The following TMEM74B variants were observed in gnomAD, a reference collection of about 807,000 sequenced individuals.
TMEM74B encodes transmembrane protein C20orf46.
In TMEM74B, 7 loss-of-function variants were observed where a neutral mutation model predicts 6.5. The observed-to-expected ratio is 1.07, with a 90% confidence interval of 0.61 to 2.01. TMEM74B has a LOEUF of 2.01. Ranked by LOEUF, TMEM74B falls within the 30% of genes most tolerant of loss-of-function variation. The pLI, the probability that TMEM74B is intolerant of heterozygous loss-of-function variation, is 0.00. For synonymous variants in TMEM74B, 151 were observed against 151.6 expected (o/e 1.00, Z 0.03); for missense variants, 342 against 337.0 (o/e 1.01, Z -0.12).
chr20:1,183,342 G>A (rs2086929632), intron 2 of TMEM74B, among the ~76,000 whole-genome samples: 1 of 151,564 alleles, frequency 6.6e-6, no homozygotes, highest in Admixed American at 6.6e-5. Flanking sequence ...GTGTAAATAT[G>A]AGCAAATGAA....
chr20:1,184,167 T>A lies in TMEM74B; in HGVS notation c.-148+135A>T. ...CCCCTTTCCCAGACTGATATATTGA[T>A]GCCTCCACACCCTGGAAGAAATCTG... On this transcript the variant is annotated intron_variant, in intron 1 of 2. Coordinates refer to ENST00000429036, the MANE Select transcript of TMEM74B (RefSeq NM_001304748.2). The surrounding 1 kb of genome is among the most constrained non-coding windows in gnomAD (Gnocchi z 6.0). The A allele has an allele frequency of 4.8e-6, 1 of 207,962 alleles. No individual in the cohort carries two copies. Among genetic ancestry groups the A allele is most frequent in the Non-Finnish European group, 9.6e-6 (1 of 104,058 alleles). 12.9% of individuals were successfully genotyped at this position (207,962 alleles called of 1,614,324 possible).
chr20:1,181,064 C>A lies in TMEM74B; in HGVS notation c.555G>T (p.Thr185=). ...RCIIAGLGLL[T]VGGMLLSVLL... ...GCACCGACAAGAGCATGCCGCCCACCGTGAGCAGCCCGAGGCCTGCGATGA... is the reference window on the plus strand; with the variant it reads ...GCACCGACAAGAGCATGCCGCCCACAGTGAGCAGCCCGAGGCCTGCGATGA... The change falls in exon 3 of 3, where the codon ACG becomes ACT. Residue 185 remains threonine (T), a synonymous_variant. Transcript: ENST00000429036. This position sits in a 1 kb window ranked among gnomAD's most constrained non-coding sequence, Gnocchi z 4.9. The A allele has an allele frequency of 5.0e-6, 8 of 1,613,670 alleles. No individual in the cohort carries two copies. Among genetic ancestry groups the A allele is most frequent in the Non-Finnish European group, 6.8e-6 (8 of 1,179,900 alleles).
rs561380660 is a variant in TMEM74B, at chr20:1,181,135, G to A, written c.484C>T (p.Leu162=). ...CCTAGGCGGGCGTAGTACATCTCCA[G>A]TCGTTCCATCTCCCGCGCTGTCACT... ...DTVTAREMER[L]EMYYARLGSH... is the part of the protein sequence containing the mutation. Residue 162 remains leucine, a synonymous_variant, in exon 3 of 3, where the codon CTG becomes TTG. Coordinates refer to ENST00000429036, the MANE Select transcript of TMEM74B (RefSeq NM_001304748.2). The surrounding 1 kb of genome is among the most constrained non-coding windows in gnomAD (Gnocchi z 4.9). The A allele has an allele frequency of 6.2e-7, 1 of 1,614,018 alleles. No individual in the cohort carries two copies. The highest frequency in any genetic ancestry group is 1.7e-5 in the Admixed American group (1 of 60,006).
upstream of TMEM74B, chr20:1,186,188 CTGACGGTCG>C (rs2087018825): frequency 6.6e-6 from 1 of 152,352 alleles, no homozygotes; most frequent in African/African-American, 2.4e-5. Flanking sequence ...GCTCTTGTCT[CTGACGGTCG>C]TGATTTTGTT....
upstream of TMEM74B, among the ~76,000 whole-genome samples, chr20:1,188,429 A>G (rs575996185): frequency 1.4e-3 from 217 of 150,982 alleles, no homozygotes; most frequent in Admixed American, 3.1e-3. Flanking sequence ...CACACACACC[A>G]CACACCACAC....
At chr20:1,188,640 TACACACACCACACACACTAC>T (rs898940422), upstream of TMEM74B, among the ~76,000 whole-genome samples, 1 of 140,162 alleles carries the variant, frequency 7.1e-6, no homozygotes, top group African/African-American at 2.7e-5. Flanking sequence ...ATACACTACC[TACACACACCACACACACTAC>T]ACACACACCA....
At position 1,181,344 on chromosome 20, in the gene TMEM74B, G is replaced by C; in HGVS notation, c.275C>G (p.Ser92Cys). Residue 92 changes from serine to cysteine, a missense_variant, in exon 3 of 3, where the codon TCC (serine) becomes TGC (cysteine). Transcript: ENST00000429036. The surrounding 1 kb of genome is among the most constrained non-coding windows in gnomAD (Gnocchi z 4.9). The part of the protein sequence containing the change: ...GSSPSPPGGV[S>C]SLPRSQRDDL... ...ATCCCGCTGGGATCGGGGCAGTGAGGAGACACCCCCAGGGGGACTGGGTGA... is the reference window on the plus strand; with the variant it reads ...ATCCCGCTGGGATCGGGGCAGTGAGCAGACACCCCCAGGGGGACTGGGTGA... 1.3e-6 allele frequency: 2 copies of C among 1,582,122 alleles called. No homozygotes were observed. Among genetic ancestry groups the C allele is most frequent in the Non-Finnish European group, 1.7e-6 (2 of 1,162,136 alleles).
rs1600188890 is a variant in TMEM74B at position 1,181,661 on chromosome 20, A to G, written c.32-74T>C. 2.9e-6 allele frequency: 4 copies of G among 1,390,644 alleles called. No homozygotes were observed. The South Asian group carries it at 6.1e-5, about 21-fold the overall frequency. The allele number at this position is 1,390,644 out of a possible 1,614,324, so 86.1% of individuals were successfully genotyped here. A position where few individuals can be genotyped will look rare whatever the true frequency, so the allele number is the denominator to read the frequency against. On this transcript the variant is annotated intron_variant, in intron 2 of 2. Coordinates refer to ENST00000429036, the MANE Select transcript of TMEM74B (RefSeq NM_001304748.2). This position sits in a 1 kb window ranked among gnomAD's most constrained non-coding sequence, Gnocchi z 4.9. ...TGTGGAGGACATCATACCAGTCCCT[A>G]AGCACATGAAGGTGAGTCAGGCACA...
intron 2 of TMEM74B, among the ~76,000 whole-genome samples, chr20:1,183,153 GC>G (rs1376142988): frequency 1.8e-4 from 28 of 152,234 alleles, no homozygotes; most frequent in Admixed American, 1.3e-3. Flanking sequence ...AGGCGCACAA[GC>G]CATGGGCTAC....
At position 1,183,867 on chromosome 20, in the gene TMEM74B, T is replaced by G; in HGVS notation, c.-66A>C. The stretch of plus-strand genomic sequence containing the variant: ...AGACTCTTCATTTTATCCAGCTGTT[T>G]ATCAGCAACCGTGAGCACCTTGAGA... On this transcript the variant is annotated 5_prime_UTR_variant, in exon 2 of 3. Transcript: ENST00000429036. The G allele has an allele frequency of 4.4e-6, 7 of 1,585,184 alleles. No homozygotes were observed. Among genetic ancestry groups the G allele is most frequent in the African/African-American group, 2.7e-5 (2 of 74,372 alleles).
rs1568492658 is a variant in TMEM74B, at chr20:1,180,902, C to T, written c.717G>A (p.Val239=). 2 of 1,612,158 alleles carry T rather than the reference C, an allele frequency of 1.2e-6. No homozygotes were observed. The highest frequency in any genetic ancestry group is 1.7e-6 in the Non-Finnish European group (2 of 1,178,832). The change falls in exon 3 of 3, where the codon GTG becomes GTA. Residue 239 remains valine, a synonymous_variant. Transcript: ENST00000429036. The surrounding 1 kb of genome is among the most constrained non-coding windows in gnomAD (Gnocchi z 6.1). ...QLNGDGGQAL[V]ENEVVQVSET... Reference sequence around the variant, plus strand: ...CTGAGACCTGGACAACTTCATTCTCCACCAGGGCCTGGCCCCCATCCCCAT... The same window carrying T: ...CTGAGACCTGGACAACTTCATTCTCTACCAGGGCCTGGCCCCCATCCCCAT...
rs1366210470 is a variant in TMEM74B, at chr20:1,181,559, C to T, written c.60G>A (p.Gly20=). Residue 20 remains glycine, a synonymous_variant, in exon 3 of 3, where the codon GGG becomes GGA. Transcript: ENST00000429036. This position sits in a 1 kb window ranked among gnomAD's most constrained non-coding sequence, Gnocchi z 4.9. ...AAAKGPRDEL[G]PSFPMASPPG... is the part of the protein sequence containing the mutation. ...GGGGAGATGCCATTGGGAAGGAGGG[C>T]CCCAGCTCATCCCTTGGCCCCTTGG... 2 of 1,471,074 alleles carry T rather than the reference C, an allele frequency of 1.4e-6. No homozygotes were observed. The highest frequency in any genetic ancestry group is 1.8e-6 in the Non-Finnish European group (2 of 1,116,492). 91.1% of individuals were successfully genotyped at this position (1,471,074 alleles called of 1,614,324 possible). A position where few individuals can be genotyped will look rare whatever the true frequency, so the allele number is the denominator to read the frequency against.
chr20:1,183,619 G>A, intron 2 of TMEM74B, 152 bp downstream of exon 2: 1 of 807,210 alleles, frequency 1.2e-6, no homozygotes, highest in Non-Finnish European at 2.0e-6. Flanking sequence ...GACACTTCAT[G>A]CAGGAGTATC....
Position 1,180,777 on chromosome 20 carries a change from C to T in TMEM74B, c.*71G>A, listed in dbSNP as rs1392183038. On this transcript the variant is annotated 3_prime_UTR_variant, in exon 3 of 3. Coordinates refer to ENST00000429036, the MANE Select transcript of TMEM74B (RefSeq NM_001304748.2). The surrounding 1 kb of genome is among the most constrained non-coding windows in gnomAD (Gnocchi z 6.1). ...AAAACCCCAGGGCCTTGGCAGGGGT[C>T]AGGTGGGCGGGAGCAGGGGGTGGAC... 1 of 1,511,346 alleles carries T rather than the reference C, an allele frequency of 6.6e-7. No individual in the cohort carries two copies. Among genetic ancestry groups the T allele is most frequent in the East Asian group, 2.3e-5 (1 of 43,780 alleles). 93.6% of individuals were successfully genotyped at this position (1,511,346 alleles called of 1,614,324 possible).
chr20:1,183,704 C>T, intron 2 of TMEM74B, 67 bp downstream of exon 2: 3 of 1,558,690 alleles, frequency 1.9e-6, no homozygotes, highest in Non-Finnish European at 2.6e-6. Context: ...GATCCCATGG[C>T]ATGTATGGGA....
At position 1,182,835 on chromosome 20, in the gene TMEM74B, T is replaced by G. The variant is rs1464069753; in HGVS notation, c.31+936A>C. On this transcript the variant is annotated intron_variant, in intron 2 of 2. Transcript: ENST00000429036. ...GTTTTGCTTTGTTTTGTTCCTGGCC[T>G]GTTCATTTGTTTTTGGTGAATTAGT... Among the ~76,000 whole-genome samples, 13 of 152,220 alleles carry G rather than the reference T, an allele frequency of 8.5e-5. 1 individual carries two copies. The highest frequency in any genetic ancestry group is 1.8e-4 in the Non-Finnish European group (12 of 68,040).
At chr20:1,187,946 G>T (rs570558427), upstream of TMEM74B, among the ~76,000 whole-genome samples, 2 of 152,106 alleles carry the variant, frequency 1.3e-5, no homozygotes, top group African/African-American at 4.8e-5. Context: ...ATGAGAATTT[G>T]ACCTTTGGAA....
At chr20:1,188,915 T>G (rs1331478689), upstream of TMEM74B, among the ~76,000 whole-genome samples, 1 of 138,242 alleles carries the variant, frequency 7.2e-6, no homozygotes, top group Admixed American at 8.2e-5. Context: ...GAACTGTAAC[T>G]CCCCATTTTG....
intron 2 of TMEM74B, among the ~76,000 whole-genome samples, chr20:1,183,550 CAG>C (rs2122679930): frequency 1.3e-5 from 2 of 152,164 alleles, no homozygotes; most frequent in South Asian, 4.2e-4. Flanking sequence ...TCTCTCTTTC[CAG>C]AGTCTCAATT....
Sources: gnomAD v4.1 joint callset for allele counts (sites outside exome capture counted in the v4.1 genomes callset) on GRCh38, gnomAD v4.1.1 for gene constraint, Gnocchi (gnomAD v3.1) non-coding constraint, MANE v1.5 for transcripts, NCBI Gene and HGNC (gene_info 2026-07-23, HGNC 2026-07-21) for gene names.